Variants in FAM171B observed in about 807,000 individuals in gnomAD.
FAM171B encodes protein FAM171B.
FAM171B carries 19 observed loss-of-function variants against 75.6 expected under a neutral mutation model. That is an observed-to-expected ratio of 0.25 (90% CI 0.18 to 0.37). The LOEUF is 0.37. Among genes scored for constraint, FAM171B ranks in the 10% least tolerant of loss-of-function variants. The pLI is 1.00. For missense variants in FAM171B, 848 were observed against 982.4 expected, an observed-to-expected ratio of 0.86 and a Z score of 1.83; for synonymous variants, 367 against 361.7, an observed-to-expected ratio of 1.01 and a Z score of -0.17.
intron 1 of FAM171B, among the ~76,000 whole-genome samples, chr2:186,736,566 G>GTGTGTGT (rs1553511472): frequency 7.8e-6 from 1 of 128,182 alleles, no homozygotes; most frequent in African/African-American, 2.9e-5. Context: ...GTGTGTGTGT[G>GTGTGTGT]GGAGAGAGAG....
chr2:186,758,858 A>G (rs1479924752), intron 6 of FAM171B, among the ~76,000 whole-genome samples: 7 of 152,128 alleles, frequency 4.6e-5, no homozygotes, highest in Non-Finnish European at 7.4e-5. Flanking sequence ...TAAATGTACA[A>G]TTAGTACATT....
chr2:186,732,416 TG>T (rs1690131010), intron 1 of FAM171B, among the ~76,000 whole-genome samples: 1 of 152,222 alleles, frequency 6.6e-6, no homozygotes, highest in Non-Finnish European at 1.5e-5. Context: ...GTGTTGGCAG[TG>T]GTGAATCCAC....
intron 1 of FAM171B, among the ~76,000 whole-genome samples, chr2:186,725,055 G>T (rs1690009892): frequency 6.6e-6 from 1 of 151,966 alleles, no homozygotes; most frequent in South Asian, 2.1e-4. Flanking sequence ...AAGAATTTTT[G>T]CTGAGTAGGC....
intron 1 of FAM171B, among the ~76,000 whole-genome samples, chr2:186,701,345 T>A (rs1332940518): frequency 6.6e-6 from 1 of 152,226 alleles, no homozygotes; most frequent in Non-Finnish European, 1.5e-5. Flanking sequence ...GTAGTTACCT[T>A]TTTTGGTGTG....
At position 186,761,879 on chromosome 2, in the gene FAM171B, A is replaced by G; in HGVS notation, c.1537A>G (p.Arg513Gly). Residue 513 changes from arginine (R) to glycine (G), a missense_variant, in exon 8 of 8, where the codon AGG (arginine) becomes GGG (glycine). Physicochemically the swap from Arg to Gly is moderately radical, Grantham distance 125. Coordinates refer to ENST00000304698, the MANE Select transcript of FAM171B (RefSeq NM_177454.4). ...TCTAGGTGATGCTCAAGATGAAAAG[A>G]GGTATCTCACAGGTAATGAGGAGGC... ...SSLGDAQDEK[R>G]YLTGNEEAYG... is the part of the protein sequence containing the mutation. 2.5e-6 allele frequency: 4 copies of G among 1,613,214 alleles called. No individual in the cohort carries two copies. The highest frequency in any genetic ancestry group is 3.4e-6 in the Non-Finnish European group (4 of 1,179,744).
At chr2:186,727,394 A>G (rs1402818190) in intron 1 of FAM171B, among the ~76,000 whole-genome samples, 5 of 152,144 alleles carry the variant, frequency 3.3e-5, no homozygotes, top group African/African-American at 1.2e-4. Context: ...AGAGATGAAT[A>G]ATTATGTTGT....
At position 186,701,091 on chromosome 2, in the gene FAM171B, A is replaced by AT. The variant is rs1324544796; in HGVS notation, c.238+6689dup. 4.5e-3 allele frequency among the ~76,000 whole-genome samples: 669 copies of AT among 150,010 alleles called. 1 individual carries two copies. Among genetic ancestry groups the AT allele is most frequent in the African/African-American group, 0.015 (628 of 40,886 alleles). On this transcript the variant is annotated intron_variant, in intron 1 of 7. Coordinates refer to ENST00000304698, the MANE Select transcript of FAM171B (RefSeq NM_177454.4). ...GCCACCATGCCTGGCTAAGTTTTGT[A>AT]TTTTTTTTTAGTAGAGACGGGGTTT... is the stretch of plus-strand genomic sequence containing the variant.
At chr2:186,728,763 T>C (rs966477715) in intron 1 of FAM171B, among the ~76,000 whole-genome samples, 7 of 152,206 alleles carry the variant, frequency 4.6e-5, no homozygotes, top group African/African-American at 9.6e-5. Context: ...AGGTGAGTTT[T>C]TGTACTGGAT....
chr2:186,759,709 T>C (rs1223606343), intron 6 of FAM171B, among the ~76,000 whole-genome samples: 1 of 152,102 alleles, frequency 6.6e-6, no homozygotes, highest in African/African-American at 2.4e-5. Context: ...CCTCTGGAGT[T>C]GAGTTCCTTA....
At chr2:186,732,198 G>A (rs1190485246) in intron 1 of FAM171B, among the ~76,000 whole-genome samples, 1 of 152,044 alleles carries the variant, frequency 6.6e-6, no homozygotes, top group African/African-American at 2.4e-5. Flanking sequence ...AAACCCAAGT[G>A]TTATATTTTC....
chr2:186,739,079 T>A (rs537745086), intron 1 of FAM171B, among the ~76,000 whole-genome samples: 1 of 152,292 alleles, frequency 6.6e-6, no homozygotes, highest in African/African-American at 2.4e-5. Context: ...TGTCAGTGCA[T>A]CTAAACTGAC....
In FAM171B at chr2:186,753,201, T is replaced by A. The variant is rs534843356; in HGVS notation, c.896-732T>A. On this transcript the variant is annotated intron_variant, in intron 5 of 7. Transcript: ENST00000304698. ...TCTTGCCCTGTCACCCAGGCTGGAGTGCAGTGGCGCACTCTCAGCTCACTG... is the reference window on the plus strand; with the variant it reads ...TCTTGCCCTGTCACCCAGGCTGGAGAGCAGTGGCGCACTCTCAGCTCACTG... Among the ~76,000 whole-genome samples, 9 of 152,294 alleles carry A rather than the reference T, an allele frequency of 5.9e-5. No homozygotes were observed. In the East Asian group the frequency reaches 1.2e-3, roughly 20 times the overall value.
intron 2 of FAM171B, 62 bp downstream of exon 2, chr2:186,740,523 T>C: frequency 7.4e-7 from 1 of 1,360,306 alleles, no homozygotes; most frequent in Non-Finnish European, 1.0e-6. Context: ...TTATTTTCTC[T>C]GTTTGGGGGA....
chr2:186,715,330 G>A (rs1689860497), intron 1 of FAM171B, among the ~76,000 whole-genome samples: 1 of 151,984 alleles, frequency 6.6e-6, no homozygotes, highest in Non-Finnish European at 1.5e-5. Flanking sequence ...AGCTTCCCAG[G>A]TAGCTGGGAC....
intron 1 of FAM171B, among the ~76,000 whole-genome samples, chr2:186,697,398 G>A (rs1342140583): frequency 6.6e-6 from 1 of 151,896 alleles, no homozygotes; most frequent in Non-Finnish European, 1.5e-5. Context: ...GTGCCGCTGG[G>A]CCCAGCTAAT....
At position 186,753,305 on chromosome 2, in the gene FAM171B, C is replaced by T. The variant is rs1017011888; in HGVS notation, c.896-628C>T. Among the ~76,000 whole-genome samples the T allele has an allele frequency of 5.9e-5, 9 of 152,170 alleles. No homozygotes were observed. The South Asian group carries it at 6.2e-4, about 11-fold the overall frequency. On this transcript the variant is annotated intron_variant, in intron 5 of 7. Transcript: ENST00000304698. ...GTGGGATTACAGGCATGTGCTACCA[C>T]GCCTGGCTAATTTTTGTGTTTTTAA...
intron 2 of FAM171B, among the ~76,000 whole-genome samples, chr2:186,741,579 C>A (rs944802487): frequency 6.6e-6 from 1 of 152,182 alleles, no homozygotes; most frequent in East Asian, 1.9e-4. Context: ...CATATGACAA[C>A]ATGCTTTAAT....
intron 1 of FAM171B, among the ~76,000 whole-genome samples, chr2:186,724,031 T>C (rs1333988534): frequency 6.6e-6 from 1 of 152,208 alleles, no homozygotes; most frequent in Non-Finnish European, 1.5e-5. Context: ...AAAATGAACC[T>C]AATGAGTAAG....
At chr2:186,724,494 G>A (rs1024878958) in intron 1 of FAM171B, among the ~76,000 whole-genome samples, 2 of 152,088 alleles carry the variant, frequency 1.3e-5, no homozygotes, top group Non-Finnish European at 1.5e-5. Context: ...TATGTTTTTC[G>A]TGTTGTTTTA....
Sources: gnomAD v4.1 joint callset for allele counts (sites outside exome capture counted in the v4.1 genomes callset) on GRCh38, gnomAD v4.1.1 for gene constraint, MANE v1.5 for transcripts, NCBI Gene and HGNC (gene_info 2026-07-23, HGNC 2026-07-21) for gene names.